The following ABCA3 variants were observed in gnomAD, a reference collection of about 807,000 sequenced individuals.
ABCA3 encodes ATP binding cassette subfamily A member 3, also known as phospholipid-transporting ATPase ABCA3.
Under a neutral mutation model 172.8 loss-of-function variants are expected in ABCA3, and 88 were observed. That is an observed-to-expected ratio of 0.51 (90% confidence interval 0.43 to 0.61). ABCA3 has a LOEUF of 0.61. Ranked by LOEUF, ABCA3 falls within the 20% of genes least tolerant of loss-of-function variation. The pLI, the probability that ABCA3 is intolerant of heterozygous loss-of-function variation, is 0.00. For missense variants in ABCA3, 2,164 were observed against 2,301.0 expected (o/e 0.94, Z 1.22); for synonymous variants, 1,066 against 983.8 (o/e 1.08, Z -1.56).
intron 10 of ABCA3, among the ~76,000 whole-genome samples, chr16:2,316,336 GA>G (rs1455408752): frequency 1.1e-5 from 1 of 94,942 alleles, no homozygotes; most frequent in African/African-American, 4.2e-5. Context: ...AAAAAGAAAA[GA>G]AAAAAAGAAA....
rs749684824 is a variant in ABCA3, at chr16:2,283,195, C to T, written c.4026G>A (p.Arg1342=). The T allele has an allele frequency of 6.2e-7, 1 of 1,613,100 alleles. No homozygotes were observed. The highest frequency in any genetic ancestry group is 8.5e-7 in the Non-Finnish European group (1 of 1,179,934). ...LRGILCALRR[R]RTLTELYTRM... ...TCCCGGAGCCACTCACCAGTGTCCG[C>T]CTCCTCCGGAGGGCGCAGAGGATGC... Residue 1342 remains arginine, a synonymous_variant, in exon 26 of 33, where the codon AGG becomes AGA. Coordinates refer to ENST00000301732, the MANE Select transcript of ABCA3 (RefSeq NM_001089.3). The surrounding 1 kb of genome is among the most constrained non-coding windows in gnomAD (Gnocchi z 5.4).
At chr16:2,308,757 C>A (rs565837477) in intron 10 of ABCA3, 134 bp from the exon 11 acceptor site, 2 of 1,016,754 alleles carry the variant, frequency 2.0e-6, no homozygotes, top group African/African-American at 1.6e-5. Context: ...GCCATCTACA[C>A]GGGACACAAG....
intron 12 of ABCA3, among the ~76,000 whole-genome samples, chr16:2,302,456 A>G (rs1415588201): frequency 3.3e-5 from 5 of 152,112 alleles, no homozygotes; most frequent in African/African-American, 9.7e-5. Context: ...AGGTTAAGAA[A>G]AGCAACTTGT....
Position 2,326,114 on chromosome 16 carries a change from G to C in ABCA3, c.215C>G (p.Pro72Arg). Residue 72 changes from proline (P) to arginine (R), a missense_variant, in exon 5 of 33, where the codon CCT becomes CGT. This residue lies in a region of ABCA3 where 1,343 missense variants were observed against 1,369.6 expected (regional missense o/e 0.98). Coordinates refer to ENST00000301732, the MANE Select transcript of ABCA3 (RefSeq NM_001089.3). ...AAGCTCCCAGGTGTCTCCTGGCGGA[G>C]GGAAGGTGAAGAACAGAGGCAGCTC... The part of the protein sequence containing the change: ...IQELPLFFTF[P>R]PPGDTWELAY... The C allele has an allele frequency of 6.2e-7, 1 of 1,614,170 alleles. No homozygotes were observed. The highest frequency in any genetic ancestry group is 1.1e-5 in the South Asian group (1 of 91,084).
Position 2,288,255 on chromosome 16 carries a change from C to T in ABCA3, c.2775G>A (p.Met925Ile), listed in dbSNP as rs978224725. The T allele has an allele frequency of 6.3e-7, 1 of 1,592,240 alleles. No homozygotes were observed. The highest frequency in any genetic ancestry group is 8.6e-7 in the Non-Finnish European group (1 of 1,169,528). Reference protein sequence around the residue: ...KAAYSWREWKMVAAQVLVPLT... With the variant: ...KAAYSWREWKIVAAQVLVPLT... ...GAGGCACCAGGACCTGTGCCGCCACCATTTTCCACTCGCGCCAGCTGTATG... is the reference window on the plus strand; with the variant it reads ...GAGGCACCAGGACCTGTGCCGCCACTATTTTCCACTCGCGCCAGCTGTATG... Residue 925 changes from methionine (M) to isoleucine (I), a missense_variant, in exon 21 of 33, where the codon ATG becomes ATA. Met to Ile is a conservative substitution (Grantham distance 10). This residue lies in a region of ABCA3 where 1,343 missense variants were observed against 1,369.6 expected (regional missense o/e 0.98). Transcript: ENST00000301732.
chr16:2,319,965 C>T, intron 7 of ABCA3, 125 bp from the exon 8 acceptor site: 2 of 1,300,260 alleles, frequency 1.5e-6, no homozygotes, highest in Non-Finnish European at 2.2e-6. Context: ...CAGCTCAGGA[C>T]CCCCGTGGCC....
intron 11 of ABCA3, among the ~76,000 whole-genome samples, chr16:2,304,500 C>CT (rs34874417): frequency 0.047 from 3,926 of 83,988 alleles, 101 homozygotes; most frequent in East Asian, 0.051. Context: ...TAGCATAAGT[C>CT]TTTTTTTTTT....
At chr16:2,305,563 G>A (rs190037587) in intron 11 of ABCA3, among the ~76,000 whole-genome samples, 3 of 152,184 alleles carry the variant, frequency 2.0e-5, no homozygotes, top group African/African-American at 7.2e-5. Flanking sequence ...CCAAAGTGCT[G>A]AGATTACAGG....
At chr16:2,330,565 C>T (rs1252051359) in intron 1 of ABCA3, among the ~76,000 whole-genome samples, 1 of 151,898 alleles carries the variant, frequency 6.6e-6, no homozygotes, top group East Asian at 2.0e-4. Flanking sequence ...AGTGATCCGC[C>T]GACCTTGGCC....
rs1341453550 is a variant in ABCA3 at position 2,297,561 on chromosome 16, C to T, written c.2053-22G>A. On this transcript the variant is annotated intron_variant, in intron 16 of 32. Transcript: ENST00000301732. This position sits in a 1 kb window ranked among gnomAD's most constrained non-coding sequence, Gnocchi z 5.6. ...GCACCTGGAGGGAGAGACACAGTCT[C>T]GCGACGCTGGTAGAGCCACACCCCG... The T allele has an allele frequency of 5.6e-6, 9 of 1,610,478 alleles. No individual in the cohort carries two copies. Among genetic ancestry groups the T allele is most frequent in the East Asian group, 4.5e-5 (2 of 44,850 alleles).
intron 18 of ABCA3, among the ~76,000 whole-genome samples, chr16:2,295,166 T>C (rs2093677712): frequency 6.6e-6 from 1 of 152,138 alleles, no homozygotes; most frequent in Non-Finnish European, 1.5e-5. Context: ...GCCGTGTGTG[T>C]GAGACAGTGA....
chr16:2,293,228 T>G (rs1307737428), intron 18 of ABCA3, among the ~76,000 whole-genome samples: 1 of 151,180 alleles, frequency 6.6e-6, no homozygotes, highest in African/African-American at 2.4e-5. Context: ...ATTTTTTGTA[T>G]TTTTAGTAGA....
At position 2,278,794 on chromosome 16, in the gene ABCA3, A is replaced by G. The variant is rs576345289; in HGVS notation, c.4547+149T>C. ...GGCAGTCCCTTTCCTACGTGGAGCT[A>G]CCTGGGTCACACCACCACATCCCAG... On this transcript the variant is annotated intron_variant, in intron 29 of 32. Transcript: ENST00000301732. The surrounding 1 kb of genome is among the most constrained non-coding windows in gnomAD (Gnocchi z 4.4). 181 of 1,207,946 alleles carry G rather than the reference A, an allele frequency of 1.5e-4. 1 individual carries two copies. The Middle Eastern group carries it at 1.8e-3, about 12-fold the overall frequency. The allele number at this position is 1,207,946 out of a possible 1,614,324, so 74.8% of individuals were successfully genotyped here.
At chr16:2,337,548 ATTTT>A (rs544223399) in intron 1 of ABCA3, among the ~76,000 whole-genome samples, 1 of 125,210 alleles carries the variant, frequency 8.0e-6, no homozygotes, top group Admixed American at 8.0e-5. Flanking sequence ...TAATTGTTTG[ATTTT>A]TTTTTTTTTT....
At position 2,284,222 on chromosome 16, in the gene ABCA3, G is replaced by A; in HGVS notation, c.3862+57C>T. ...CCCTGCCCTAGGAGGCCCCTCTGCA[G>A]TGACCACGTCCTGAGGACGCAGGGG... On this transcript the variant is annotated intron_variant, in intron 25 of 32. Coordinates refer to ENST00000301732, the MANE Select transcript of ABCA3 (RefSeq NM_001089.3). This position sits in a 1 kb window ranked among gnomAD's most constrained non-coding sequence, Gnocchi z 5.9. The A allele has an allele frequency of 2.5e-6, 4 of 1,578,052 alleles. No individual in the cohort carries two copies. Among genetic ancestry groups the A allele is most frequent in the Middle Eastern group, 1.9e-4 (1 of 5,270 alleles).
intron 1 of ABCA3, among the ~76,000 whole-genome samples, chr16:2,338,836 C>G (rs1175025076): frequency 6.7e-6 from 1 of 148,330 alleles, no homozygotes; most frequent in Non-Finnish European, 1.5e-5. Context: ...CTCACTGTAA[C>G]CTCCACCTAA....
rs765595710 is a variant in ABCA3 at position 2,284,238 on chromosome 16, G to A, written c.3862+41C>T. On this transcript the variant is annotated intron_variant, in intron 25 of 32. Coordinates refer to ENST00000301732, the MANE Select transcript of ABCA3 (RefSeq NM_001089.3). This position sits in a 1 kb window ranked among gnomAD's most constrained non-coding sequence, Gnocchi z 5.9. ...CCCTCTGCAGTGACCACGTCCTGAG[G>A]ACGCAGGGGTGCTGCCCGGGGTCGG... 6.3e-7 allele frequency: 1 copy of A among 1,598,722 alleles called. No individual in the cohort carries two copies. The highest frequency in any genetic ancestry group is 8.5e-7 in the Non-Finnish European group (1 of 1,171,456).
chr16:2,317,940 C>T (rs1393021075), intron 8 of ABCA3, among the ~76,000 whole-genome samples, 176 bp from the exon 9 acceptor site: 2 of 152,238 alleles, frequency 1.3e-5, no homozygotes, highest in African/African-American at 2.4e-5. Context: ...AAGTGATCTG[C>T]CTGCCTCAGC....
intron 11 of ABCA3, among the ~76,000 whole-genome samples, chr16:2,306,440 T>C (rs2093697720): frequency 6.6e-6 from 1 of 152,210 alleles, no homozygotes; most frequent in Admixed American, 6.5e-5. Flanking sequence ...CACTGCCGAC[T>C]GTAGAGAACC....
Sources: allele counts gnomAD v4.1 joint callset (sites outside exome capture counted in the v4.1 genomes callset), GRCh38; gene constraint gnomAD v4.1.1; regional missense constraint gnomAD v4.1.1; non-coding constraint Gnocchi (gnomAD v3.1); transcripts MANE v1.5; gene names NCBI Gene and HGNC (gene_info 2026-07-23, HGNC 2026-07-21).